Variants in CSMD3 observed in about 807,000 individuals in gnomAD.
CSMD3 encodes the protein CUB and Sushi multiple domains 3, also known as CUB and sushi domain-containing protein 3.
CSMD3 carries 177 observed loss-of-function variants against 435.2 expected under a neutral mutation model. The ratio of observed to expected loss-of-function variants is 0.41; its 90% confidence interval spans 0.36 to 0.46. CSMD3 has a LOEUF of 0.46. CSMD3 is among the 20% of genes least tolerant of loss of function. The pLI, the probability that CSMD3 is intolerant of heterozygous loss-of-function variation, is 0.34. For missense variants in CSMD3, 4,265 were observed against 4,504.6 expected, an observed-to-expected ratio of 0.95 and a Z score of 1.52; for synonymous variants, 1,656 against 1,520.5, an observed-to-expected ratio of 1.09 and a Z score of -2.07.
rs542131439 is a variant in CSMD3, at chr8:112,291,602, T to C, written c.8882A>G (p.Tyr2961Cys). Residue 2961 changes from tyrosine (Y) to cysteine (C), a missense_variant, in exon 56 of 71, where the codon TAT becomes TGT. Coordinates refer to ENST00000297405, the MANE Select transcript of CSMD3 (RefSeq NM_198123.2). ...GNFTYGTVVF[Y>C]DCNPGYFLFG... ...TAAAAAATATCCAGGATTGCAGTCA[T>C]AGAATACCACAGTGCCGTAAGTAAA... 2.5e-6 allele frequency: 4 copies of C among 1,610,990 alleles called. No individual in the cohort carries two copies. The highest frequency in any genetic ancestry group is 1.3e-5 in the African/African-American group (1 of 74,952).
intron 27 of CSMD3, among the ~76,000 whole-genome samples, chr8:112,531,676 G>T (rs938339270): frequency 6.6e-6 from 1 of 152,104 alleles, no homozygotes; most frequent in African/African-American, 2.4e-5. Flanking sequence ...TAAAACAGCT[G>T]CAGTGACTAC....
At chr8:112,398,250 A>T (rs907018178) in intron 35 of CSMD3, among the ~76,000 whole-genome samples, 1 of 152,156 alleles carries the variant, frequency 6.6e-6, no homozygotes, top group African/African-American at 2.4e-5. Flanking sequence ...CCACCCAGAC[A>T]CGCTGCAGGG....
At chr8:112,492,711 A>T (rs1367448427) in intron 30 of CSMD3, 28 bp from the exon 31 acceptor site, 1 of 1,584,814 alleles carries the variant, frequency 6.3e-7, no homozygotes, top group East Asian at 2.2e-5. Flanking sequence ...TATAACATTA[A>T]TTGCTTTAAA....
chr8:112,906,197 G>A (rs548684817), intron 10 of CSMD3, among the ~76,000 whole-genome samples: 60 of 151,288 alleles, frequency 4.0e-4, no homozygotes, highest in African/African-American at 1.4e-3. Flanking sequence ...CTAAGACACT[G>A]TGAGTCTTAG....
intron 6 of CSMD3, among the ~76,000 whole-genome samples, chr8:112,979,661 T>A (rs2084976505): frequency 6.6e-6 from 1 of 151,458 alleles, no homozygotes; most frequent in African/African-American, 2.4e-5. Flanking sequence ...GCTACACAAT[T>A]AGGTAAGCAT....
intron 31 of CSMD3, among the ~76,000 whole-genome samples, chr8:112,477,954 G>A (rs557418171): frequency 4.6e-5 from 7 of 152,236 alleles, no homozygotes; most frequent in African/African-American, 1.7e-4. Context: ...GAATCATGGG[G>A]TCAAGGCTTT....
intron 4 of CSMD3, among the ~76,000 whole-genome samples, chr8:113,104,360 T>G (rs560593296): frequency 1.3e-5 from 2 of 152,138 alleles, no homozygotes; most frequent in South Asian, 4.1e-4. Context: ...AGGCTTTTTA[T>G]TTCGTCCCAA....
At chr8:113,296,442 T>C (rs1159209473) in intron 2 of CSMD3, among the ~76,000 whole-genome samples, 4 of 151,948 alleles carry the variant, frequency 2.6e-5, no homozygotes, top group African/African-American at 4.8e-5. Flanking sequence ...GAGAATTGCT[T>C]GAACCCAGGA....
chr8:113,078,503 G>T (rs1323564503), intron 5 of CSMD3, among the ~76,000 whole-genome samples: 1 of 152,126 alleles, frequency 6.6e-6, no homozygotes, highest in Non-Finnish European at 1.5e-5. Flanking sequence ...TCAAATGAAA[G>T]CTCAGACTAC....
intron 9 of CSMD3, among the ~76,000 whole-genome samples, chr8:112,931,965 G>A (rs773014955): frequency 3.9e-5 from 6 of 152,120 alleles, no homozygotes; most frequent in African/African-American, 7.2e-5. Flanking sequence ...GTGAGGATGC[G>A]GAGGAAAGGT....
chr8:112,772,831 A>G (rs1048739118), intron 13 of CSMD3, among the ~76,000 whole-genome samples: 1 of 152,116 alleles, frequency 6.6e-6, no homozygotes, highest in South Asian at 2.1e-4. Flanking sequence ...ATGCACATCA[A>G]AAGCACAGCA....
intron 23 of CSMD3, among the ~76,000 whole-genome samples, chr8:112,584,872 C>T (rs1478710084): frequency 6.6e-6 from 1 of 151,688 alleles, no homozygotes; most frequent in African/African-American, 2.4e-5. Flanking sequence ...TGGGGATTAA[C>T]TTTCATGGAT....
At chr8:112,997,703 T>A (rs1429967454) in intron 6 of CSMD3, among the ~76,000 whole-genome samples, 3 of 151,616 alleles carry the variant, frequency 2.0e-5, no homozygotes. Flanking sequence ...TAGATTGCTT[T>A]TTATGCTAAA....
chr8:112,266,250 A>G (rs986773223), intron 59 of CSMD3, among the ~76,000 whole-genome samples: 3 of 152,172 alleles, frequency 2.0e-5, no homozygotes, highest in African/African-American at 7.2e-5. Context: ...AAAAGGAGGT[A>G]GGACAATAGT....
rs1392188413 is a variant in CSMD3, at chr8:112,336,779, C to G, written c.6892G>C (p.Gly2298Arg). 1.2e-6 allele frequency: 2 copies of G among 1,613,594 alleles called. No homozygotes were observed. Among genetic ancestry groups the G allele is most frequent in the Non-Finnish European group, 1.7e-6 (2 of 1,179,670 alleles). ...TAMNGTIYSP[G>R]YPDEYPNFQD... Reference sequence around the variant, plus strand: ...AAGTTTGGATATTCATCAGGATACCCAGGAGAATAAATGGTGCCATTCATT... The same window carrying G: ...AAGTTTGGATATTCATCAGGATACCGAGGAGAATAAATGGTGCCATTCATT... The change falls in exon 44 of 71, where the codon GGG becomes CGG. Residue 2298 changes from glycine (G) to arginine (R), a missense_variant. By Grantham distance (125) the Gly-to-Arg change is moderately radical. Coordinates refer to ENST00000297405, the MANE Select transcript of CSMD3 (RefSeq NM_198123.2).
intron 24 of CSMD3, 149 bp downstream of exon 24, chr8:112,573,352 T>G: frequency 8.2e-6 from 6 of 735,060 alleles, no homozygotes; most frequent in East Asian, 2.8e-5. Flanking sequence ...TACCGGGCTG[T>G]TGTTAGGGTC....
intron 12 of CSMD3, among the ~76,000 whole-genome samples, chr8:112,807,058 T>C (rs1161805521): frequency 6.6e-6 from 1 of 152,194 alleles, no homozygotes; most frequent in Non-Finnish European, 1.5e-5. Flanking sequence ...TGCTGACCCA[T>C]GTACTCTACC....
intron 3 of CSMD3, among the ~76,000 whole-genome samples, chr8:113,177,706 A>G (rs1233548736): frequency 1.3e-5 from 2 of 151,576 alleles, no homozygotes; most frequent in African/African-American, 2.4e-5. Flanking sequence ...AATGTCAGAG[A>G]CTCTTTATGT....
intron 5 of CSMD3, among the ~76,000 whole-genome samples, chr8:113,086,006 G>C (rs908518755): frequency 1.3e-5 from 2 of 152,092 alleles, no homozygotes; most frequent in African/African-American, 4.8e-5. Flanking sequence ...GGGAGGCCGA[G>C]GCAGGTGGAT....
Sources: allele counts gnomAD v4.1 joint callset (sites outside exome capture counted in the v4.1 genomes callset), GRCh38; gene constraint gnomAD v4.1.1; transcripts MANE v1.5; gene names NCBI Gene and HGNC (gene_info 2026-07-23, HGNC 2026-07-21).